The following ADAMTS12 variants were observed in gnomAD, a reference collection of about 807,000 sequenced individuals.
The protein encoded by ADAMTS12 is A disintegrin and metalloproteinase with thrombospondin motifs 12.
A neutral mutation model predicts 167.8 loss-of-function variants in ADAMTS12; 118 were observed. The ratio of observed to expected loss-of-function variants is 0.70; its 90% CI spans 0.61 to 0.82. The LOEUF is 0.82. ADAMTS12 is among the 40% of genes least tolerant of loss of function. ADAMTS12 has a pLI of 0.00. For missense variants in ADAMTS12, 1,916 were observed against 1,998.8 expected (o/e 0.96, Z 0.79); for synonymous variants, 704 against 716.9 (o/e 0.98, Z 0.29).
At chr5:33,838,723 G>C (rs1436091131) in intron 2 of ADAMTS12, among the ~76,000 whole-genome samples, 1 of 152,024 alleles carries the variant, frequency 6.6e-6, no homozygotes, top group Non-Finnish European at 1.5e-5. Context: ...GGGAAGTGGA[G>C]AGAGGGAGAA....
chr5:33,824,314 G>T (rs902476121), intron 2 of ADAMTS12, among the ~76,000 whole-genome samples: 1 of 152,124 alleles, frequency 6.6e-6, no homozygotes, highest in Non-Finnish European at 1.5e-5. Flanking sequence ...GAACAGAAAG[G>T]GGGGACTTAC....
intron 1 of ADAMTS12, among the ~76,000 whole-genome samples, chr5:33,889,833 T>G (rs1750780128): frequency 6.6e-6 from 1 of 152,094 alleles, no homozygotes; most frequent in Non-Finnish European, 1.5e-5. Flanking sequence ...ACGTCTGTAA[T>G]CCCAGGTACT....
At chr5:33,733,379 T>G (rs1226730888) in intron 3 of ADAMTS12, among the ~76,000 whole-genome samples, 2 of 152,216 alleles carry the variant, frequency 1.3e-5, no homozygotes, top group Non-Finnish European at 2.9e-5. Context: ...TTGTTACTTT[T>G]AACAGCGTGA....
intron 2 of ADAMTS12, among the ~76,000 whole-genome samples, chr5:33,868,640 T>C (rs1749918389): frequency 1.3e-5 from 2 of 152,226 alleles, no homozygotes; most frequent in Admixed American, 1.3e-4. Context: ...TCTAGCAACC[T>C]ATGCTTATAC....
rs761555949 is a variant in ADAMTS12, at chr5:33,576,898, G to T, written c.3128C>A (p.Thr1043Lys). The T allele has an allele frequency of 1.2e-6, 2 of 1,614,172 alleles. No homozygotes were observed. The highest frequency in any genetic ancestry group is 2.2e-5 in the South Asian group (2 of 91,086). The change falls in exon 19 of 24, where the codon ACA becomes AAA. Residue 1043 changes from threonine to lysine, a missense_variant. By Grantham distance (78) the Thr-to-Lys change is moderately conservative. Transcript: ENST00000504830. The stretch of plus-strand genomic sequence containing the variant: ...AGGGCTGCTGATTGCTGGAGTGCTT[G>T]TGCTCATAGACTCAGGCCCTGTGGG... The part of the protein sequence containing the change: ...TTPTGPESMS[T>K]STPAISSPSP...
chr5:33,614,408 G>A, intron 15 of ADAMTS12, 32 bp from the exon 16 acceptor site: 1 of 1,611,034 alleles, frequency 6.2e-7, no homozygotes, highest in East Asian at 2.2e-5. Flanking sequence ...ATGTCAAACT[G>A]TCATGACTTT....
chr5:33,633,517 C>A (rs906190354), intron 12 of ADAMTS12, among the ~76,000 whole-genome samples: 1 of 151,912 alleles, frequency 6.6e-6, no homozygotes, highest in African/African-American at 2.4e-5. Flanking sequence ...ACCACCATGA[C>A]CTATAGGTGT....
intron 14 of ADAMTS12, among the ~76,000 whole-genome samples, chr5:33,619,299 C>T (rs1739188820): frequency 6.6e-6 from 1 of 152,196 alleles, no homozygotes; most frequent in Admixed American, 6.5e-5. Flanking sequence ...AGATCATAAA[C>T]CAGACTGTAT....
In ADAMTS12 at chr5:33,820,173, C is replaced by T. The variant is rs373945025; in HGVS notation, c.489+60946G>A. On this transcript the variant is annotated intron_variant, in intron 2 of 23. Transcript: ENST00000504830. ...TCAAATGTTCCTTCAAATTCTAGCACTGTTTAGATGTTTTCAATCAAAAAT... is the reference window on the plus strand; with the variant it reads ...TCAAATGTTCCTTCAAATTCTAGCATTGTTTAGATGTTTTCAATCAAAAAT... Among the ~76,000 whole-genome samples, 45 of 152,268 alleles carry T rather than the reference C, an allele frequency of 3.0e-4. No individual in the cohort carries two copies. The East Asian group carries it at 6.2e-3, about 21-fold the overall frequency.
chr5:33,809,119 T>C (rs984524612), intron 2 of ADAMTS12, among the ~76,000 whole-genome samples: 1 of 152,228 alleles, frequency 6.6e-6, no homozygotes, highest in African/African-American at 2.4e-5. Flanking sequence ...TGTTTTGGTC[T>C]CACTTTGAAT....
At chr5:33,579,712 A>G (rs1260529503) in intron 18 of ADAMTS12, among the ~76,000 whole-genome samples, 1 of 152,242 alleles carries the variant, frequency 6.6e-6, no homozygotes, top group African/African-American at 2.4e-5. Flanking sequence ...TCACCTGGAA[A>G]CAGAGACAGC....
rs544581348 is a variant in ADAMTS12 at position 33,528,784 on chromosome 5, C to T, written c.4607-1418G>A. 1.4e-3 allele frequency among the ~76,000 whole-genome samples: 219 copies of T among 152,296 alleles called. 3 individuals are homozygous for T. Among genetic ancestry groups the T allele is most frequent in the African/African-American group, 5.1e-3 (211 of 41,560 alleles). ...CTTCCGGGCCGGGCATGGTGGCTCA[C>T]GCCTGTAATCCCAGCACTTTGGGAG... On this transcript the variant is annotated intron_variant, in intron 23 of 23. Coordinates refer to ENST00000504830, the MANE Select transcript of ADAMTS12 (RefSeq NM_030955.4).
intron 19 of ADAMTS12, among the ~76,000 whole-genome samples, chr5:33,563,617 A>T (rs1054524277): frequency 6.6e-6 from 1 of 152,218 alleles, no homozygotes; most frequent in African/African-American, 2.4e-5. Context: ...GTGGAAAATT[A>T]TGCTGTCACT....
intron 2 of ADAMTS12, among the ~76,000 whole-genome samples, chr5:33,858,650 A>G (rs1351517554): frequency 1.4e-5 from 2 of 142,588 alleles, no homozygotes; most frequent in Non-Finnish European, 3.0e-5. Context: ...AGAGCAAGAC[A>G]TCATCTCAAA....
chr5:33,596,139 G>A lies in ADAMTS12; in HGVS notation c.2528-79C>T, dbSNP rs946518078. 25 of 1,526,432 alleles carry A rather than the reference G, an allele frequency of 1.6e-5. No homozygotes were observed. The South Asian group carries it at 1.9e-4, about 12-fold the overall frequency. The allele number at this position is 1,526,432 out of a possible 1,614,324, so 94.6% of individuals were successfully genotyped here. On this transcript the variant is annotated intron_variant, in intron 16 of 23. Transcript: ENST00000504830. The stretch of plus-strand genomic sequence containing the variant: ...ATGGTCAGGTGAGGTACCTGACCAC[G>A]TCAACGATCATGCTGACGGCTGATG...
At chr5:33,818,582 G>A (rs1747752140) in intron 2 of ADAMTS12, among the ~76,000 whole-genome samples, 1 of 151,692 alleles carries the variant, frequency 6.6e-6, no homozygotes, top group Admixed American at 6.6e-5. Context: ...CTCTCTTTGG[G>A]GTATACTCAG....
At chr5:33,696,899 A>G (rs1742801356) in intron 3 of ADAMTS12, among the ~76,000 whole-genome samples, 2 of 152,212 alleles carry the variant, frequency 1.3e-5, no homozygotes, top group Non-Finnish European at 2.9e-5. Context: ...AATATGGTCA[A>G]TGTGAAATGC....
At chr5:33,578,745 T>C (rs1746890124) in intron 18 of ADAMTS12, among the ~76,000 whole-genome samples, 1 of 152,192 alleles carries the variant, frequency 6.6e-6, no homozygotes, top group Admixed American at 6.5e-5. Context: ...CAATCAAACA[T>C]AATCACTTAC....
chr5:33,643,534 C>T, intron 9 of ADAMTS12, 64 bp from the exon 10 acceptor site: 1 of 1,450,356 alleles, frequency 6.9e-7, no homozygotes, highest in Middle Eastern at 1.7e-4. Context: ...TCTATAGTTA[C>T]AGTAAAATAT....
Sources: gnomAD v4.1 joint callset for allele counts (sites outside exome capture counted in the v4.1 genomes callset) on GRCh38, gnomAD v4.1.1 for gene constraint, MANE v1.5 for transcripts, NCBI Gene and HGNC (gene_info 2026-07-23, HGNC 2026-07-21) for gene names.